The following BCOR variants were observed in gnomAD, a reference collection of about 807,000 sequenced individuals.
BCOR encodes the protein BCL6 corepressor.
Under a neutral mutation model 86.7 loss-of-function variants are expected in BCOR, and 10 were observed. The observed-to-expected ratio is 0.12, with a 90% CI of 0.07 to 0.20. BCOR has a LOEUF of 0.20. Ranked by LOEUF, BCOR falls within the 10% of genes least tolerant of loss-of-function variation. The pLI, the probability that BCOR is intolerant of heterozygous loss-of-function variation, is 1.00. For missense variants in BCOR, 1,259 were observed against 1,452.1 expected, an observed-to-expected ratio of 0.87 and a Z score of 2.16; for synonymous variants, 611 against 609.0, an observed-to-expected ratio of 1.00 and a Z score of -0.05.
chrX:40,102,773 C>A (rs1258061090), upstream of BCOR, among the ~76,000 whole-genome samples: 1 of 113,467 alleles, frequency 8.8e-6, no homozygotes, highest in African/African-American at 3.2e-5. Flanking sequence ...GCCAGCCCCT[C>A]GCCTGCAGCA....
intron 5 of BCOR, 101 bp downstream of exon 5, chrX:40,071,536 A>G (rs928518541): frequency 3.3e-6 from 2 of 604,076 alleles, no homozygotes; most frequent in African/African-American, 4.5e-5. Flanking sequence ...CAATGAATAA[A>G]GACGACCATG....
At chrX:40,142,223 G>A (rs904314640) in intron 1 of BCOR, among the ~76,000 whole-genome samples, 4 of 112,278 alleles carry the variant, frequency 3.6e-5, no homozygotes, top group African/African-American at 6.5e-5. Context: ...TCCTCCTCTG[G>A]CTGTTTTCTG....
chrX:40,143,567 G>T (rs1055813005), intron 1 of BCOR, among the ~76,000 whole-genome samples: 1 of 112,771 alleles, frequency 8.9e-6, no homozygotes, highest in Admixed American at 9.4e-5. Flanking sequence ...TTAATAAAAC[G>T]AAAGATGGTA....
intron 1 of BCOR, among the ~76,000 whole-genome samples, chrX:40,091,986 C>T (rs933830206): frequency 2.7e-5 from 3 of 112,860 alleles, no homozygotes; most frequent in Non-Finnish European, 1.9e-5. Context: ...CTTTCTCCCA[C>T]CCATCGGCGG....
chrX:40,169,212 G>C (rs1938568715), intron 1 of BCOR, among the ~76,000 whole-genome samples: 1 of 112,777 alleles, frequency 8.9e-6, no homozygotes, highest in South Asian at 3.6e-4. Context: ...AGCTGCACAA[G>C]AGAATTTTCT....
chrX:40,089,416 T>C (rs183072465), intron 1 of BCOR, among the ~76,000 whole-genome samples: 21 of 111,524 alleles, frequency 1.9e-4, no homozygotes, highest in African/African-American at 6.2e-4. Flanking sequence ...TCACATACTG[T>C]CTCCTCTGAA....
chrX:40,066,171 C>A (rs1935191353), intron 6 of BCOR, among the ~76,000 whole-genome samples: 1 of 111,865 alleles, frequency 8.9e-6, no homozygotes, highest in African/African-American at 3.3e-5. Context: ...CCCAAGCCCC[C>A]ACCATGGAAT....
At chrX:40,152,450 G>C (rs950315949) in intron 1 of BCOR, among the ~76,000 whole-genome samples, 2 of 112,333 alleles carry the variant, frequency 1.8e-5, no homozygotes, top group East Asian at 5.7e-4. Context: ...TCGCCGCTGC[G>C]CATCTCCTCT....
intron 1 of BCOR, among the ~76,000 whole-genome samples, chrX:40,116,436 G>A (rs960630040): frequency 5.5e-5 from 6 of 109,910 alleles, no homozygotes; most frequent in Non-Finnish European, 1.1e-4. Flanking sequence ...GGCAGAGCTT[G>A]CAGTGAGCTG....
chrX:40,175,653 G>A (rs897357474), intron 1 of BCOR, among the ~76,000 whole-genome samples: 3 of 112,629 alleles, frequency 2.7e-5, no homozygotes, highest in African/African-American at 9.7e-5. Flanking sequence ...TAGACTCCGC[G>A]CAGCACCCGC....
intron 6 of BCOR, among the ~76,000 whole-genome samples, chrX:40,067,695 C>T (rs1314081117): frequency 9.0e-6 from 1 of 111,512 alleles, no homozygotes; most frequent in Non-Finnish European, 1.9e-5. Flanking sequence ...GCAAACATCC[C>T]AATTCCCCTC....
chrX:40,072,192 G>A (rs1404290569), intron 4 of BCOR, 157 bp downstream of exon 4: 4 of 545,094 alleles, frequency 7.3e-6, no homozygotes, highest in South Asian at 2.9e-5. Context: ...TACCACTCAC[G>A]TTCTCTTACT....
chrX:40,068,686 G>A (rs1326906894), intron 6 of BCOR, among the ~76,000 whole-genome samples: 1 of 112,934 alleles, frequency 8.9e-6, no homozygotes. Flanking sequence ...CAACACCTCC[G>A]TGTTCCCTAC....
chrX:40,112,747 A>G (rs1261934128), intron 1 of BCOR, among the ~76,000 whole-genome samples: 1 of 111,726 alleles, frequency 9.0e-6, no homozygotes, highest in Non-Finnish European at 1.9e-5. Flanking sequence ...ATTAATTTAC[A>G]AATATTTGGG....
chrX:40,090,317 G>A (rs979669724), intron 1 of BCOR, among the ~76,000 whole-genome samples: 1 of 113,463 alleles, frequency 8.8e-6, no homozygotes, highest in African/African-American at 3.2e-5. Context: ...AGCCAGCCGA[G>A]CACGCCCCCG....
At position 40,074,653 on chromosome X, in the gene BCOR, C is replaced by T; in HGVS notation, c.693G>A (p.Gln231=). Reference sequence around the variant, plus strand: ...TGGTGCAGACTGGAGAATACAGCGGCTGGGCCAAGCTGTAGGACTGCTGAG... The same window carrying T: ...TGGTGCAGACTGGAGAATACAGCGGTTGGGCCAAGCTGTAGGACTGCTGAG... ...LLPQQSYSLA[Q]PLYSPVCTNG... Residue 231 remains glutamine (Q), a synonymous_variant, in exon 4 of 15, where the codon CAG becomes CAA. Transcript: ENST00000378444. The T allele has an allele frequency of 8.3e-7, 1 of 1,211,986 alleles. No individual in the cohort carries two copies. Among genetic ancestry groups the T allele is most frequent in the Non-Finnish European group, 1.1e-6 (1 of 895,534 alleles).
chrX:40,075,331 T>C, intron 3 of BCOR, 151 bp from the exon 4 acceptor site: 2 of 406,116 alleles, frequency 4.9e-6, no homozygotes, highest in African/African-American at 2.6e-5. Context: ...GGGTGGGGGG[T>C]CTGTTTCCCC....
intron 1 of BCOR, among the ~76,000 whole-genome samples, chrX:40,117,544 T>C (rs1410423678): frequency 3.0e-5 from 3 of 101,311 alleles, no homozygotes; most frequent in Admixed American, 9.9e-5. Context: ...AAGTGGAATA[T>C]GAATTATAAT....
chrX:40,098,564 C>G (rs1267260463), upstream of BCOR, among the ~76,000 whole-genome samples: 1 of 111,289 alleles, frequency 9.0e-6, no homozygotes, highest in Non-Finnish European at 1.9e-5. Context: ...TAAAGCGCCT[C>G]GCACTCCGCT....
Sources: gnomAD v4.1 joint callset for allele counts (sites outside exome capture counted in the v4.1 genomes callset) on GRCh38, gnomAD v4.1.1 for gene constraint, MANE v1.5 for transcripts, NCBI Gene and HGNC (gene_info 2026-07-23, HGNC 2026-07-21) for gene names.